The following ASAP1 variants were observed in gnomAD, a reference collection of about 807,000 sequenced individuals.
ASAP1 encodes the protein arf-GAP with SH3 domain, ANK repeat and PH domain-containing protein 1.
ASAP1 carries 43 observed loss-of-function variants against 145.2 expected under a neutral mutation model. The observed-to-expected ratio is 0.30, with a 90% CI of 0.23 to 0.38. The LOEUF (loss-of-function observed/expected upper bound fraction) is 0.38. Among genes scored for constraint, ASAP1 ranks in the 10% least tolerant of loss-of-function variants. The pLI, the probability that ASAP1 is intolerant of heterozygous loss-of-function variation, is 1.00. For synonymous variants in ASAP1, 546 were observed against 515.5 expected (o/e 1.06, Z -0.80); for missense variants, 1,018 against 1,355.3 (o/e 0.75, Z 3.91).
intron 3 of ASAP1, among the ~76,000 whole-genome samples, chr8:130,296,415 C>G (rs1822276365): frequency 6.6e-6 from 1 of 152,142 alleles, no homozygotes; most frequent in Admixed American, 6.5e-5. Context: ...AGCAAGCACC[C>G]TGATGTCATG....
intron 3 of ASAP1, among the ~76,000 whole-genome samples, chr8:130,339,911 A>G (rs1344723424): frequency 6.6e-6 from 1 of 152,176 alleles, no homozygotes; most frequent in African/African-American, 2.4e-5. Context: ...TCAGTCCTAC[A>G]GACAGTACTT....
At chr8:130,205,762 A>G (rs893048799) in intron 5 of ASAP1, among the ~76,000 whole-genome samples, 6 of 152,246 alleles carry the variant, frequency 3.9e-5, no homozygotes, top group Non-Finnish European at 7.4e-5. Context: ...GTGTTTAATT[A>G]TAAGCATCTT....
intron 9 of ASAP1, among the ~76,000 whole-genome samples, chr8:130,175,795 G>C (rs1185685811): frequency 6.6e-6 from 1 of 152,104 alleles, no homozygotes; most frequent in Non-Finnish European, 1.5e-5. Flanking sequence ...ACAACTTCTT[G>C]AGTGTTGGGA....
intron 4 of ASAP1, among the ~76,000 whole-genome samples, chr8:130,217,503 T>C (rs528618417): frequency 4.1e-5 from 6 of 146,478 alleles, no homozygotes; most frequent in Admixed American, 2.7e-4. Context: ...GTATATTATA[T>C]GTGTATATAT....
intron 4 of ASAP1, among the ~76,000 whole-genome samples, chr8:130,218,160 T>C (rs1478623552): frequency 1.3e-5 from 2 of 151,992 alleles, no homozygotes; most frequent in African/African-American, 4.8e-5. Flanking sequence ...ATACCTTCTG[T>C]CTGAGGCCAA....
At chr8:130,347,142 T>C (rs1344173480) in intron 3 of ASAP1, among the ~76,000 whole-genome samples, 1 of 152,256 alleles carries the variant, frequency 6.6e-6, no homozygotes, top group African/African-American at 2.4e-5. Flanking sequence ...CTTCCATCCA[T>C]CCTGGATATC....
intron 13 of ASAP1, among the ~76,000 whole-genome samples, chr8:130,145,135 A>G (rs1393745678): frequency 1.3e-5 from 2 of 152,192 alleles, no homozygotes; most frequent in Non-Finnish European, 1.5e-5. Context: ...AGTACCTACT[A>G]TTTGATAGTA....
intron 3 of ASAP1, among the ~76,000 whole-genome samples, chr8:130,303,151 C>T (rs1444055283): frequency 1.3e-5 from 2 of 152,154 alleles, no homozygotes; most frequent in Admixed American, 1.3e-4. Context: ...CATTTACTAG[C>T]AGAATGACAG....
chr8:130,380,990 T>C (rs918805537), intron 2 of ASAP1, among the ~76,000 whole-genome samples: 1 of 152,094 alleles, frequency 6.6e-6, no homozygotes, highest in African/African-American at 2.4e-5. Context: ...TTCAAGTGAC[T>C]CTCCCACTTC....
intron 1 of ASAP1, among the ~76,000 whole-genome samples, chr8:130,421,382 T>C (rs2138707417): frequency 6.6e-6 from 1 of 152,344 alleles, no homozygotes; most frequent in East Asian, 1.9e-4. Flanking sequence ...TCACCATCTG[T>C]GGCAGCACTG....
chr8:130,223,236 C>T (rs1817399270), intron 4 of ASAP1, among the ~76,000 whole-genome samples: 1 of 152,148 alleles, frequency 6.6e-6, no homozygotes, highest in Non-Finnish European at 1.5e-5. Flanking sequence ...ACAACCTAGA[C>T]AACATTTGGT....
chr8:130,064,934 T>TGTGA (rs56705405), intron 27 of ASAP1, among the ~76,000 whole-genome samples: 2 of 146,620 alleles, frequency 1.4e-5, no homozygotes, highest in East Asian at 4.0e-4. Context: ...TGTGTGTGTG[T>TGTGA]AAGAATCACA....
chr8:130,086,495 G>C (rs1049170361), intron 25 of ASAP1, among the ~76,000 whole-genome samples: 1 of 152,180 alleles, frequency 6.6e-6, no homozygotes, highest in Non-Finnish European at 1.5e-5. Flanking sequence ...TGTCTTACAA[G>C]CCATAAACCT....
chr8:130,304,801 G>A (rs1199302690), intron 3 of ASAP1, among the ~76,000 whole-genome samples: 1 of 152,308 alleles, frequency 6.6e-6, no homozygotes, highest in South Asian at 2.1e-4. Context: ...TCCGTTTTAA[G>A]TGTAAATATG....
intron 3 of ASAP1, among the ~76,000 whole-genome samples, chr8:130,239,576 C>T (rs1200768375): frequency 3.3e-5 from 5 of 151,860 alleles, no homozygotes; most frequent in South Asian, 2.1e-4. Context: ...GGGGAGGTGA[C>T]GACTATATAC....
intron 11 of ASAP1, 153 bp downstream of exon 11, chr8:130,167,383 A>G (rs942559854): frequency 1.3e-6 from 1 of 786,016 alleles, no homozygotes; most frequent in East Asian, 2.4e-5. Context: ...AGGAAAAGGA[A>G]CTAAAATACA....
At chr8:130,312,787 C>T (rs923195968) in intron 3 of ASAP1, among the ~76,000 whole-genome samples, 16 of 152,188 alleles carry the variant, frequency 1.1e-4, no homozygotes, top group African/African-American at 3.6e-4. Context: ...AATTTTCCCC[C>T]CTAGAAATAG....
intron 3 of ASAP1, among the ~76,000 whole-genome samples, chr8:130,319,433 T>G (rs1266672778): frequency 1.3e-5 from 2 of 152,060 alleles, no homozygotes; most frequent in Non-Finnish European, 2.9e-5. Context: ...CAAGGGGTGG[T>G]GGGGATTGCT....
chr8:130,329,397 C>T (rs1218254262), intron 3 of ASAP1, among the ~76,000 whole-genome samples: 4 of 152,202 alleles, frequency 2.6e-5, no homozygotes, highest in African/African-American at 9.7e-5. Context: ...ACAGTTGCTA[C>T]ATCCTAAGTA....
Sources: allele counts gnomAD v4.1 joint callset (sites outside exome capture counted in the v4.1 genomes callset), GRCh38; gene constraint gnomAD v4.1.1; transcripts MANE v1.5; gene names NCBI Gene and HGNC (gene_info 2026-07-23, HGNC 2026-07-21).